The following GPD2 variants were observed in gnomAD, a reference collection of about 807,000 sequenced individuals.
The protein encoded by GPD2 is glycerol-3-phosphate dehydrogenase 2, also known as glycerol-3-phosphate dehydrogenase, mitochondrial.
A neutral mutation model predicts 82.4 loss-of-function variants in GPD2; 54 were observed. That is an observed-to-expected ratio of 0.66 (90% confidence interval 0.53 to 0.82). GPD2 has a LOEUF of 0.82. Ranked by LOEUF, GPD2 falls within the 40% of genes least tolerant of loss-of-function variation. The probability of loss-of-function intolerance (pLI) is 0.00; values close to 1 mark genes in which losing one functional copy is unlikely to be tolerated. For synonymous variants in GPD2, 288 were observed against 306.1 expected (o/e 0.94, Z 0.62); for missense variants, 748 against 896.2 (o/e 0.83, Z 2.11).
chr2:156,467,354 A>C (rs1683184709), intron 1 of GPD2, among the ~76,000 whole-genome samples: 1 of 152,242 alleles, frequency 6.6e-6, no homozygotes, highest in African/African-American at 2.4e-5. Context: ...ACCACAGTCC[A>C]AAAATTTGTG....
intron 6 of GPD2, among the ~76,000 whole-genome samples, chr2:156,520,393 T>C (rs1426847453): frequency 6.6e-6 from 1 of 152,180 alleles, no homozygotes; most frequent in Non-Finnish European, 1.5e-5. Flanking sequence ...TGAAGCCAAC[T>C]GTGACTATTC....
intron 1 of GPD2, among the ~76,000 whole-genome samples, chr2:156,456,306 A>T (rs1682785543): frequency 6.6e-6 from 1 of 152,128 alleles, no homozygotes; most frequent in Non-Finnish European, 1.5e-5. Flanking sequence ...GGTTTCTTCA[A>T]ATGTTGGTCT....
intron 1 of GPD2, among the ~76,000 whole-genome samples, chr2:156,459,460 G>A (rs1394470579): frequency 6.6e-6 from 1 of 152,012 alleles, no homozygotes; most frequent in African/African-American, 2.4e-5. Context: ...GCTGAGGTGG[G>A]TGGATCACGA....
At chr2:156,408,343 G>T in the GPD2 span, among the ~76,000 whole-genome samples, 1 of 152,114 alleles carries the variant, frequency 6.6e-6, no homozygotes, top group Non-Finnish European at 1.5e-5. Flanking sequence ...AAAGTTTGCA[G>T]TTTAGGAGAA....
At chr2:156,414,981 T>C in the GPD2 span, among the ~76,000 whole-genome samples, 2 of 152,114 alleles carry the variant, frequency 1.3e-5, no homozygotes, top group African/African-American at 2.4e-5. Flanking sequence ...GACAATATAA[T>C]GACAACATTT....
intron 10 of GPD2, 31 bp downstream of exon 10, chr2:156,568,990 C>T (rs200733092): frequency 9.8e-4 from 1,223 of 1,254,060 alleles, no homozygotes; most frequent in Admixed American, 3.8e-3. Context: ...ATTTTCTTTT[C>T]TTTTTTTTTT....
intron 12 of GPD2, among the ~76,000 whole-genome samples, chr2:156,570,645 C>G (rs1262177054): frequency 6.6e-6 from 1 of 152,146 alleles, no homozygotes; most frequent in African/African-American, 2.4e-5. Flanking sequence ...TTGTAATTCA[C>G]TGTGCCTTAA....
intron 1 of GPD2, among the ~76,000 whole-genome samples, chr2:156,453,304 A>T (rs1423216619): frequency 6.6e-6 from 1 of 152,218 alleles, no homozygotes; most frequent in Non-Finnish European, 1.5e-5. Flanking sequence ...ACCTAATTTA[A>T]TTCTCAGCTA....
chr2:156,508,783 A>G (rs1684877080), intron 3 of GPD2, among the ~76,000 whole-genome samples: 2 of 152,224 alleles, frequency 1.3e-5, no homozygotes, highest in South Asian at 2.1e-4. Context: ...CTTACTAAGA[A>G]AAGGTGATAT....
chr2:156,553,651 C>G (rs1008575291), intron 8 of GPD2, among the ~76,000 whole-genome samples: 5 of 152,106 alleles, frequency 3.3e-5, no homozygotes, highest in African/African-American at 1.2e-4. Context: ...CCTCTTCTTC[C>G]AATTCCTTCC....
chr2:156,512,370 C>T lies in GPD2; in HGVS notation c.497+53C>T, dbSNP rs565728219. On this transcript the variant is annotated intron_variant, in intron 5 of 16. Transcript: ENST00000438166. Reference sequence around the variant, plus strand: ...ATTTGCTTCTCTGCGGTCAATAGAACAACAGTTTTAATGGAAATAATCCCT... The same window carrying T: ...ATTTGCTTCTCTGCGGTCAATAGAATAACAGTTTTAATGGAAATAATCCCT... The T allele has an allele frequency of 5.8e-6, 5 of 863,864 alleles. No individual in the cohort carries two copies. The South Asian group carries it at 6.6e-5, about 11-fold the overall frequency. 53.5% of individuals were successfully genotyped at this position (863,864 alleles called of 1,614,324 possible).
rs1174557975 is a variant in GPD2, at chr2:156,585,740, T to A, written c.*2822T>A. ...CATCATTGATGTTATTTTTCTCTTA[T>A]GTATCTGTAAAGATTTTTGGCATAT... On this transcript the variant is annotated 3_prime_UTR_variant, in exon 17 of 17. Transcript: ENST00000438166. 6.6e-6 allele frequency: 1 copy of A among 152,456 alleles called. No individual in the cohort carries two copies. The highest frequency in any genetic ancestry group is 1.9e-4 in the East Asian group (1 of 5,170). The allele number at this position is 152,456 out of a possible 1,614,324, so 9.4% of individuals were successfully genotyped here. A position where few individuals can be genotyped will look rare whatever the true frequency, so the allele number is the denominator to read the frequency against.
intron 1 of GPD2, among the ~76,000 whole-genome samples, chr2:156,470,122 C>CCT (rs1001814296): frequency 6.6e-6 from 1 of 152,140 alleles, no homozygotes; most frequent in African/African-American, 2.4e-5. Context: ...GGTTCACACG[C>CCT]CTCTGACAAA....
At chr2:156,441,403 G>C (rs1390309152) in intron 1 of GPD2, among the ~76,000 whole-genome samples, 2 of 151,894 alleles carry the variant, frequency 1.3e-5, no homozygotes, top group Non-Finnish European at 2.9e-5. Context: ...AATTAAAAAA[G>C]AAAAAACTAG....
chr2:156,552,925 G>A (rs1460439547), intron 8 of GPD2, among the ~76,000 whole-genome samples: 2 of 139,064 alleles, frequency 1.4e-5, no homozygotes, highest in Non-Finnish European at 3.1e-5. Flanking sequence ...TTTGAGATGA[G>A]GTTTTGCTGT....
chr2:156,446,082 A>C (rs950695235), intron 1 of GPD2, among the ~76,000 whole-genome samples: 7 of 148,988 alleles, frequency 4.7e-5, no homozygotes, highest in African/African-American at 1.7e-4. Flanking sequence ...GGCAGGAAGC[A>C]TATCTACTTT....
intron 6 of GPD2, 56 bp downstream of exon 6, chr2:156,513,552 C>A: frequency 6.1e-6 from 8 of 1,321,876 alleles, no homozygotes; most frequent in Non-Finnish European, 8.7e-6. Flanking sequence ...CACTCATGAC[C>A]CGTATAGTGT....
intron 9 of GPD2, among the ~76,000 whole-genome samples, chr2:156,564,749 T>A (rs1450207013): frequency 6.6e-6 from 1 of 152,156 alleles, no homozygotes; most frequent in African/African-American, 2.4e-5. Flanking sequence ...ATTCATATTT[T>A]AAATAAGGAA....
intron 6 of GPD2, among the ~76,000 whole-genome samples, chr2:156,539,530 T>C (rs1302261093): frequency 1.3e-5 from 2 of 152,200 alleles, no homozygotes; most frequent in Non-Finnish European, 2.9e-5. Context: ...CTTCCTGTGA[T>C]TAAAGAGAGA....
Sources: gnomAD v4.1 joint callset for allele counts (sites outside exome capture counted in the v4.1 genomes callset) on GRCh38, gnomAD v4.1.1 for gene constraint, MANE v1.5 for transcripts, NCBI Gene and HGNC (gene_info 2026-07-23, HGNC 2026-07-21) for gene names.